DNAH9: variants seen among roughly 807,000 people sequenced by gnomAD.
The protein encoded by DNAH9 is dynein axonemal heavy chain 9, also known as DNAH9 variant protein.
DNAH9 carries 345 observed loss-of-function variants against 471.6 expected under a neutral mutation model. The observed-to-expected ratio is 0.73, with a 90% CI of 0.67 to 0.80. The LOEUF is 0.80. Ranked by LOEUF, DNAH9 falls within the 30% of genes least tolerant of loss-of-function variation. The pLI is 0.00. For missense variants in DNAH9, 5,407 were observed against 5,609.2 expected (o/e 0.96, Z 1.15); for synonymous variants, 2,093 against 2,123.6 (o/e 0.99, Z 0.40).
chr17:11,963,289 C>G lies in DNAH9; in HGVS notation c.13233+1033C>G, dbSNP rs966443224. Reference sequence around the variant, plus strand: ...ATCTCTACTAAAAATACAAAATTAGCCGGGCATGGTGGTGCATGCCTGTTA... The same window carrying G: ...ATCTCTACTAAAAATACAAAATTAGGCGGGCATGGTGGTGCATGCCTGTTA... On this transcript the variant is annotated intron_variant, in intron 68 of 68. Coordinates refer to ENST00000262442, the MANE Select transcript of DNAH9 (RefSeq NM_001372.4). Among the ~76,000 whole-genome samples, 3 of 152,124 alleles carry G rather than the reference C, an allele frequency of 2.0e-5. No homozygotes were observed. The East Asian group carries it at 5.8e-4, about 29-fold the overall frequency.
At chr17:11,767,988 A>AC (rs140182197) in intron 36 of DNAH9, among the ~76,000 whole-genome samples, 225 of 152,062 alleles carry the variant, frequency 1.5e-3, no homozygotes, top group Non-Finnish European at 2.6e-3. Flanking sequence ...TGATACCCAA[A>AC]CCCCTTCTGA....
intron 45 of DNAH9, among the ~76,000 whole-genome samples, chr17:11,811,217 G>T (rs904986390): frequency 6.6e-6 from 1 of 152,130 alleles, no homozygotes; most frequent in African/African-American, 2.4e-5. Context: ...GGAGGCTGAG[G>T]CAGGAGAATC....
chr17:11,695,111 A>T (rs2074451863), intron 22 of DNAH9, among the ~76,000 whole-genome samples: 1 of 150,806 alleles, frequency 6.6e-6, no homozygotes, highest in Non-Finnish European at 1.5e-5. Context: ...GGTGGTCTTG[A>T]TCTCCTGACC....
At position 11,881,192 on chromosome 17, in the gene DNAH9, G is replaced by A. The variant is rs1597784014; in HGVS notation, c.10602-17G>A. On this transcript the variant is annotated splice_polypyrimidine_tract_variant and intron_variant, in intron 54 of 68. Transcript: ENST00000262442. ...GCAGGAAGGCACCTTACCTTCACAT[G>A]AGCCTTTATGTTCCAGATTCATTAA... 3.7e-6 allele frequency: 6 copies of A among 1,613,924 alleles called. No individual in the cohort carries two copies. Among genetic ancestry groups the A allele is most frequent in the Non-Finnish European group, 5.1e-6 (6 of 1,179,940 alleles).
chr17:11,924,339 C>A (rs1974240720), intron 62 of DNAH9, among the ~76,000 whole-genome samples: 1 of 152,124 alleles, frequency 6.6e-6, no homozygotes, highest in South Asian at 2.1e-4. Context: ...GGCTGTGTGT[C>A]ATATGCTCTT....
At chr17:11,901,045 G>A (rs969326901) in intron 59 of DNAH9, among the ~76,000 whole-genome samples, 1 of 152,192 alleles carries the variant, frequency 6.6e-6, no homozygotes, top group Non-Finnish European at 1.5e-5. Context: ...GGTTTTCTAG[G>A]AAGAGCAAAG....
At chr17:11,891,511 A>G (rs1973047636) in intron 57 of DNAH9, among the ~76,000 whole-genome samples, 1 of 152,148 alleles carries the variant, frequency 6.6e-6, no homozygotes, top group Non-Finnish European at 1.5e-5. Flanking sequence ...AATTATAGGC[A>G]TGCACCACTA....
At position 11,664,495 on chromosome 17, in the gene DNAH9, C is replaced by T. The variant is rs9895974; in HGVS notation, c.2596-338C>T. Among the ~76,000 whole-genome samples, 1,030 of 152,306 alleles carry T rather than the reference C, an allele frequency of 6.8e-3. 9 individuals are homozygous for T. Among genetic ancestry groups the T allele is most frequent in the African/African-American group, 0.023 (946 of 41,572 alleles). On this transcript the variant is annotated intron_variant, in intron 14 of 68. Coordinates refer to ENST00000262442, the MANE Select transcript of DNAH9 (RefSeq NM_001372.4). ...TAGAATTCCTTCCTCTGCCTACCCT[C>T]ACTTCTGCCCTGATGCAACTTCCTC...
At chr17:11,871,297 A>G (rs1380054881) in intron 51 of DNAH9, among the ~76,000 whole-genome samples, 3 of 152,228 alleles carry the variant, frequency 2.0e-5, no homozygotes, top group Admixed American at 6.5e-5. Flanking sequence ...ATACATGATT[A>G]TATTTCATCC....
intron 61 of DNAH9, among the ~76,000 whole-genome samples, chr17:11,915,991 G>A (rs1973942869): frequency 6.6e-6 from 1 of 152,120 alleles, no homozygotes; most frequent in African/African-American, 2.4e-5. Flanking sequence ...ATTGTTGAAT[G>A]AACTAACAAA....
intron 36 of DNAH9, 104 bp downstream of exon 36, chr17:11,763,718 G>A: frequency 8.6e-7 from 1 of 1,165,150 alleles, no homozygotes; most frequent in Non-Finnish European, 1.2e-6. Flanking sequence ...TGTCAGAATG[G>A]ACTTGAAAGC....
intron 17 of DNAH9, among the ~76,000 whole-genome samples, chr17:11,670,853 G>C (rs2073961461): frequency 6.6e-6 from 1 of 152,084 alleles, no homozygotes; most frequent in African/African-American, 2.4e-5. Flanking sequence ...ACAGGCATGT[G>C]CCACCACGCC....
chr17:11,831,116 T>A (rs955560947), intron 48 of DNAH9, among the ~76,000 whole-genome samples: 1 of 152,160 alleles, frequency 6.6e-6, no homozygotes, highest in Non-Finnish European at 1.5e-5. Context: ...CAGGAAAATA[T>A]CTCTAAGCTT....
chr17:11,894,323 G>T (rs1355997773), intron 58 of DNAH9, 51 bp from the exon 59 acceptor site: 1 of 1,602,338 alleles, frequency 6.2e-7, no homozygotes, highest in Non-Finnish European at 8.5e-7. Context: ...AAGATTTCTA[G>T]GACTCTGGCT....
At chr17:11,682,211 A>G (rs184391069) in intron 19 of DNAH9, among the ~76,000 whole-genome samples, 2 of 151,932 alleles carry the variant, frequency 1.3e-5, no homozygotes, top group African/African-American at 4.8e-5. Context: ...GTCTCTTAAC[A>G]TACTCATCTT....
At chr17:11,810,458 G>T in intron 45 of DNAH9, 89 bp downstream of exon 45, 1 of 1,509,330 alleles carries the variant, frequency 6.6e-7, no homozygotes, top group South Asian at 1.4e-5. Flanking sequence ...AGGGTGGGAA[G>T]AGTAAGGTCA....
intron 10 of DNAH9, among the ~76,000 whole-genome samples, chr17:11,642,051 C>T (rs894273488): frequency 1.3e-5 from 2 of 152,008 alleles, no homozygotes; most frequent in Non-Finnish European, 2.9e-5. Context: ...CAAGGCTGCT[C>T]CCAAAGAGGG....
intron 35 of DNAH9, among the ~76,000 whole-genome samples, chr17:11,758,528 C>T (rs760025756): frequency 5.0e-4 from 76 of 152,120 alleles, no homozygotes; most frequent in Non-Finnish European, 1.6e-4. Context: ...GATTATGTTT[C>T]CCGGAAACTA....
intron 35 of DNAH9, among the ~76,000 whole-genome samples, chr17:11,763,186 G>A (rs928739393): frequency 4.6e-5 from 7 of 152,140 alleles, no homozygotes; most frequent in Non-Finnish European, 7.4e-5. Context: ...AGAAGTGGGA[G>A]GGGGAGGGTG....
Sources: gnomAD v4.1 joint callset for allele counts (sites outside exome capture counted in the v4.1 genomes callset) on GRCh38, gnomAD v4.1.1 for gene constraint, MANE v1.5 for transcripts, NCBI Gene and HGNC (gene_info 2026-07-23, HGNC 2026-07-21) for gene names.